The following MALRD1 variants were observed in gnomAD, a reference collection of about 807,000 sequenced individuals.
MALRD1 encodes the protein MAM and LDL receptor class A domain containing 1, also known as MAM and LDL-receptor class A domain-containing protein 1.
Under a neutral mutation model 242.1 loss-of-function variants are expected in MALRD1, and 247 were observed. That is an observed-to-expected ratio of 1.02 (90% CI 0.92 to 1.13). The LOEUF (loss-of-function observed/expected upper bound fraction) is 1.13, where lower values mean the gene tolerates loss of function less well. Among genes scored for constraint, MALRD1 ranks in the 50% most tolerant of loss-of-function variants. MALRD1 has a pLI of 0.00. For synonymous variants in MALRD1, 995 were observed against 866.6 expected (o/e 1.15, Z -2.60); for missense variants, 2,989 against 2,533.1 (o/e 1.18, Z -3.86).
intron 31 of MALRD1, among the ~76,000 whole-genome samples, chr10:19,501,239 G>C (rs1305375861): frequency 6.6e-6 from 1 of 152,092 alleles, no homozygotes; most frequent in Non-Finnish European, 1.5e-5. Flanking sequence ...AATGACATTT[G>C]GGTCAGTCTA....
chr10:19,526,993 A>G (rs1215576634), intron 31 of MALRD1, among the ~76,000 whole-genome samples: 2 of 152,290 alleles, frequency 1.3e-5, no homozygotes, highest in African/African-American at 2.4e-5. Context: ...GTAGGGCCCA[A>G]AAGACACACA....
intron 32 of MALRD1, among the ~76,000 whole-genome samples, chr10:19,535,720 A>G (rs1834645853): frequency 1.3e-5 from 2 of 152,016 alleles, no homozygotes; most frequent in Admixed American, 6.6e-5. Context: ...TCTACATGAA[A>G]CTTGTATTAG....
At chr10:19,703,766 G>T (rs1001033270) in intron 38 of MALRD1, among the ~76,000 whole-genome samples, 1 of 152,072 alleles carries the variant, frequency 6.6e-6, no homozygotes, top group Admixed American at 6.6e-5. Flanking sequence ...GTGGTGGCAG[G>T]TCCCTGTAAT....
chr10:19,238,504 A>G lies in MALRD1; in HGVS notation c.2992-19180A>G, dbSNP rs943417480. Reference sequence around the variant, plus strand: ...TACATTATATATAATATATAATATAATATATAATGTATATTATATATAATA... The same window carrying G: ...TACATTATATATAATATATAATATAGTATATAATGTATATTATATATAATA... On this transcript the variant is annotated intron_variant, in intron 18 of 39. Transcript: ENST00000454679. 2.5e-4 allele frequency among the ~76,000 whole-genome samples: 7 copies of G among 27,524 alleles called. 1 individual carries two copies. In the Admixed American group the frequency reaches 5.6e-3, roughly 22 times the overall value. 18.1% of individuals were successfully genotyped at this position (27,524 alleles called of 152,430 possible).
chr10:19,640,587 C>T (rs1840339617), intron 36 of MALRD1, among the ~76,000 whole-genome samples: 1 of 152,098 alleles, frequency 6.6e-6, no homozygotes, highest in Admixed American at 6.6e-5. Context: ...TCTACTCTAA[C>T]CCTGTTCTAT....
chr10:19,200,318 C>A (rs1564461657), intron 14 of MALRD1, among the ~76,000 whole-genome samples: 1 of 152,108 alleles, frequency 6.6e-6, no homozygotes, highest in Non-Finnish European at 1.5e-5. Flanking sequence ...ACATGCTCAG[C>A]CTTTGTTATG....
intron 14 of MALRD1, among the ~76,000 whole-genome samples, chr10:19,181,221 A>G (rs1835488501): frequency 6.6e-6 from 1 of 152,194 alleles, no homozygotes. Flanking sequence ...ATATACCCAG[A>G]AAAAATGAAA....
In MALRD1 at chr10:19,124,043, CAA is replaced by C. The variant is rs71387044; in HGVS notation, c.797-461_797-460del. ...CAATATAGCAAGATGTCATCTCTACCAAAAAAAAAAAAAAAAAAAAAGAATCA... is the reference window on the plus strand; with the variant it reads ...CAATATAGCAAGATGTCATCTCTACCAAAAAAAAAAAAAAAAAAAGAATCA... On this transcript the variant is annotated intron_variant, in intron 6 of 39. Transcript: ENST00000454679. 6.2e-3 allele frequency among the ~76,000 whole-genome samples: 541 copies of C among 87,252 alleles called. 1 individual carries two copies. The highest frequency in any genetic ancestry group is 0.052 in the Middle Eastern group (8 of 154). The allele number at this position is 87,252 out of a possible 152,430, so 57.2% of individuals were successfully genotyped here. A position where few individuals can be genotyped will look rare whatever the true frequency, so the allele number is the denominator to read the frequency against.
intron 24 of MALRD1, among the ~76,000 whole-genome samples, chr10:19,346,466 G>A (rs1844129171): frequency 6.6e-6 from 1 of 152,184 alleles, no homozygotes; most frequent in Admixed American, 6.5e-5. Flanking sequence ...TTTATCTGAA[G>A]ACATATCAAC....
In MALRD1 at chr10:19,204,326, TG is replaced by T; in HGVS notation, c.2124del (p.Lys709ArgfsTer54). 1 of 1,543,672 alleles carries T rather than the reference TG, an allele frequency of 6.5e-7. No homozygotes were observed. The highest frequency in any genetic ancestry group is 8.7e-7 in the Non-Finnish European group (1 of 1,143,728). On this transcript the variant is annotated frameshift_variant, in exon 16 of 40. Transcript: ENST00000454679. LOFTEE classifies it high-confidence loss of function. ...TCAACAGGGCATTTTATGTTCATTCTGAAGAAAAGCAGCAGCTTGTGGCAAG... is the reference window on the plus strand; with the variant it reads ...TCAACAGGGCATTTTATGTTCATTCTAAGAAAAGCAGCAGCTTGTGGCAAG... ...NASQGHFMFI[L>X]KKSSSLWQVA... is the part of the protein sequence containing the mutation.
At position 19,387,612 on chromosome 10, in the gene MALRD1, GA is replaced by G. The variant is rs1360715805; in HGVS notation, c.4527del (p.Asp1510IlefsTer33). The G allele has an allele frequency of 1.9e-5, 29 of 1,550,374 alleles. No homozygotes were observed. Among genetic ancestry groups the G allele is most frequent in the Non-Finnish European group, 2.5e-5 (29 of 1,146,886 alleles). On this transcript the variant is annotated frameshift_variant, in exon 27 of 40. Coordinates refer to ENST00000454679, the MANE Select transcript of MALRD1 (RefSeq NM_001142308.3). LOFTEE classifies it high-confidence loss of function. Reference protein sequence around the residue: ...EQSCNFVDNCGDNTDENECGS... With the variant: ...EQSCNFVDNCXDNTDENECGS... ...AGCTGTAACTTCGTAGATAACTGTG[GA>G]GATAATACTGATGAAAATGAGTGTG...
At chr10:19,354,424 G>A (rs1324428666) in intron 26 of MALRD1, among the ~76,000 whole-genome samples, 1 of 152,032 alleles carries the variant, frequency 6.6e-6, no homozygotes, top group Non-Finnish European at 1.5e-5. Context: ...TAAATACCAG[G>A]AGAAATATTT....
chr10:19,575,325 C>G (rs1184001658), intron 33 of MALRD1, among the ~76,000 whole-genome samples: 1 of 152,102 alleles, frequency 6.6e-6, no homozygotes, highest in African/African-American at 2.4e-5. Flanking sequence ...TGGTTGATTT[C>G]AAGCTGTGCA....
intron 28 of MALRD1, among the ~76,000 whole-genome samples, chr10:19,416,367 G>T (rs191930028): frequency 6.6e-6 from 1 of 152,292 alleles, no homozygotes; most frequent in African/African-American, 2.4e-5. Flanking sequence ...CTACCGAAGA[G>T]CACCACAGGC....
chr10:19,200,148 C>T (rs1386721159), intron 14 of MALRD1, among the ~76,000 whole-genome samples: 1 of 151,960 alleles, frequency 6.6e-6, no homozygotes, highest in African/African-American at 2.4e-5. Context: ...TAAAATAAAA[C>T]AGGGACAATA....
chr10:19,644,499 T>G (rs913241390), intron 36 of MALRD1, among the ~76,000 whole-genome samples: 27 of 428 alleles, frequency 0.063, no homozygotes, highest in African/African-American at 0.2. Context: ...TTTGTGCTTC[T>G]GTAAGTAAAG....
chr10:19,444,829 G>T (rs1289741067), intron 28 of MALRD1, among the ~76,000 whole-genome samples: 2 of 152,076 alleles, frequency 1.3e-5, no homozygotes, highest in African/African-American at 4.8e-5. Flanking sequence ...GGCATTCTCT[G>T]TATCTCCTGA....
At chr10:19,095,853 C>T (rs1836009450) in intron 4 of MALRD1, among the ~76,000 whole-genome samples, 1 of 152,146 alleles carries the variant, frequency 6.6e-6, no homozygotes, top group African/African-American at 2.4e-5. Context: ...AAAACCAGGC[C>T]AAGATTGTGT....
intron 28 of MALRD1, among the ~76,000 whole-genome samples, chr10:19,419,611 T>A (rs1048752726): frequency 6.6e-6 from 1 of 152,144 alleles, no homozygotes; most frequent in Non-Finnish European, 1.5e-5. Flanking sequence ...TGAGCCACCA[T>A]GCCCGGCTGA....
Sources: gnomAD v4.1 joint callset for allele counts (sites outside exome capture counted in the v4.1 genomes callset) on GRCh38, gnomAD v4.1.1 for gene constraint, MANE v1.5 for transcripts, NCBI Gene and HGNC (gene_info 2026-07-23, HGNC 2026-07-21) for gene names.